The following DCUN1D4 variants were observed in gnomAD, a reference collection of about 807,000 sequenced individuals.
DCUN1D4 encodes DCN1-like protein 4.
Under a neutral mutation model 47.9 loss-of-function variants are expected in DCUN1D4, and 22 were observed. That is an observed-to-expected ratio of 0.46 (90% CI 0.33 to 0.66). The LOEUF is 0.66. DCUN1D4 is among the 30% of genes least tolerant of loss of function. The pLI is 0.02. For synonymous variants in DCUN1D4, 121 were observed against 112.2 expected (o/e 1.08, Z -0.50); for missense variants, 301 against 340.8 (o/e 0.88, Z 0.92).
At chr4:51,851,824 A>G (rs1004800127) in intron 1 of DCUN1D4, among the ~76,000 whole-genome samples, 14 of 152,198 alleles carry the variant, frequency 9.2e-5, no homozygotes, top group Admixed American at 5.2e-4. Context: ...TTCACAGATG[A>G]GGACGCTGAG....
At chr4:51,838,398 T>C (rs1464837046), upstream of DCUN1D4, among the ~76,000 whole-genome samples, 3 of 152,170 alleles carry the variant, frequency 2.0e-5, no homozygotes, top group South Asian at 2.1e-4. Context: ...ATTTATTTAT[T>C]TGAGGCAGGG....
At chr4:51,909,927 G>T (rs1414840717) in intron 8 of DCUN1D4, among the ~76,000 whole-genome samples, 1 of 152,124 alleles carries the variant, frequency 6.6e-6, no homozygotes, top group African/African-American at 2.4e-5. Context: ...CCCAATTCAG[G>T]GTCATGGCTA....
intron 6 of DCUN1D4, among the ~76,000 whole-genome samples, chr4:51,890,816 T>C (rs1560500537): frequency 6.6e-6 from 1 of 152,248 alleles, no homozygotes; most frequent in Non-Finnish European, 1.5e-5. Flanking sequence ...TTTACACCTT[T>C]AGGTATTTAT....
At chr4:51,868,526 C>T (rs757702552) in intron 3 of DCUN1D4, among the ~76,000 whole-genome samples, 24 of 152,160 alleles carry the variant, frequency 1.6e-4, no homozygotes, top group Admixed American at 2.0e-4. Flanking sequence ...CTTGTGATTC[C>T]GGTACCCAAC....
intron 8 of DCUN1D4, among the ~76,000 whole-genome samples, chr4:51,910,137 T>G (rs1733505811): frequency 6.6e-6 from 1 of 152,190 alleles, no homozygotes. Flanking sequence ...TTTTACAAAT[T>G]TCCACTGTAG....
intron 1 of DCUN1D4, among the ~76,000 whole-genome samples, chr4:51,856,694 G>T (rs1055426479): frequency 4.6e-5 from 7 of 152,200 alleles, no homozygotes; most frequent in Non-Finnish European, 8.8e-5. Flanking sequence ...AATAAAATGA[G>T]AATTGGACAA....
chr4:51,854,403 C>G (rs1475995258), intron 1 of DCUN1D4, among the ~76,000 whole-genome samples: 2 of 152,112 alleles, frequency 1.3e-5, no homozygotes, highest in African/African-American at 4.8e-5. Flanking sequence ...GTACTATGAT[C>G]TTTGAGTGCA....
At chr4:51,879,389 C>T (rs1169404548) in intron 5 of DCUN1D4, among the ~76,000 whole-genome samples, 2 of 152,184 alleles carry the variant, frequency 1.3e-5, no homozygotes, top group East Asian at 3.9e-4. Context: ...GGAGGATTGC[C>T]TGAGTTCAGG....
chr4:51,880,238 G>A (rs1455728240), intron 5 of DCUN1D4, among the ~76,000 whole-genome samples: 1 of 152,220 alleles, frequency 6.6e-6, no homozygotes, highest in Non-Finnish European at 1.5e-5. Flanking sequence ...CTAACAGGTT[G>A]TGCTGTAGGA....
At chr4:51,873,280 T>C (rs1727185707) in intron 3 of DCUN1D4, among the ~76,000 whole-genome samples, 1 of 152,208 alleles carries the variant, frequency 6.6e-6, no homozygotes, top group Non-Finnish European at 1.5e-5. Context: ...TAAGCCTTAG[T>C]TTTCCCTGTC....
chr4:51,845,228 T>G, intron 1 of DCUN1D4: 1 of 985,422 alleles, frequency 1.0e-6, no homozygotes, highest in Non-Finnish European at 1.2e-6. Flanking sequence ...TGCATAAATA[T>G]GAGAACACAG....
At position 51,913,600 on chromosome 4, in the gene DCUN1D4, A is replaced by C; in HGVS notation, c.*16A>C. 1 of 1,609,386 alleles carries C rather than the reference A, an allele frequency of 6.2e-7. No homozygotes were observed. The highest frequency in any genetic ancestry group is 2.2e-5 in the East Asian group (1 of 44,758). Reference sequence around the variant, plus strand: ...GATGTCCTAGGACTTTATGCATAGCAGCGAGAGAGTCACTGTTACCACAGT... The same window carrying C: ...GATGTCCTAGGACTTTATGCATAGCCGCGAGAGAGTCACTGTTACCACAGT... On this transcript the variant is annotated 3_prime_UTR_variant, in exon 11 of 11. Coordinates refer to ENST00000334635, the MANE Select transcript of DCUN1D4 (RefSeq NM_001040402.3).
intron 1 of DCUN1D4, among the ~76,000 whole-genome samples, chr4:51,858,590 G>A (rs1221578573): frequency 1.3e-5 from 2 of 152,198 alleles, no homozygotes; most frequent in Admixed American, 1.3e-4. Context: ...TCTGTTTACT[G>A]AATTATTATG....
chr4:51,887,133 G>T (rs1181875387), intron 6 of DCUN1D4: 3 of 451,772 alleles, frequency 6.6e-6, no homozygotes, highest in South Asian at 3.1e-5. Context: ...ATGGAGTCTC[G>T]CACTGTCGCC....
At chr4:51,901,601 T>C (rs1367965480) in intron 8 of DCUN1D4, among the ~76,000 whole-genome samples, 5 of 152,206 alleles carry the variant, frequency 3.3e-5, no homozygotes, top group Non-Finnish European at 7.3e-5. Context: ...GTCTGAGCCA[T>C]GTGCTTCTGC....
Position 51,843,215 on chromosome 4 carries a change from C to T in DCUN1D4, c.-28C>T, listed in dbSNP as rs1721869786. ...CGCGAGGCGAGCGCGGGAGCCTGGG[C>T]GGCGAGCCGGGTGTGAGCTGCCTGA... On this transcript the variant is annotated 5_prime_UTR_variant, in exon 1 of 11. Coordinates refer to ENST00000334635, the MANE Select transcript of DCUN1D4 (RefSeq NM_001040402.3). 2 of 1,538,804 alleles carry T rather than the reference C, an allele frequency of 1.3e-6. No individual in the cohort carries two copies. Among genetic ancestry groups the T allele is most frequent in the South Asian group, 1.2e-5 (1 of 82,742 alleles).
At chr4:51,877,729 TTAAA>T in intron 4 of DCUN1D4, 30 bp from the exon 5 acceptor site, 1 of 1,399,250 alleles carries the variant, frequency 7.1e-7, no homozygotes, top group Non-Finnish European at 1.0e-6. Context: ...CTCAGTATCT[TTAAA>T]TAACTTAAAA....
chr4:51,913,677 TC>T lies in DCUN1D4; in HGVS notation c.*94del. The T allele has an allele frequency of 3.5e-6, 4 of 1,127,336 alleles. No homozygotes were observed. The highest frequency in any genetic ancestry group is 5.3e-6 in the Non-Finnish European group (4 of 753,900). The allele number at this position is 1,127,336 out of a possible 1,614,324, so 69.8% of individuals were successfully genotyped here. A position where few individuals can be genotyped will look rare whatever the true frequency, so the allele number is the denominator to read the frequency against. ...TGTTTGTATCAAAGCGCATGCTGCTTCTCTTGCACTGTTTCCCTTTCGCAGG... is the reference window on the plus strand; with the variant it reads ...TGTTTGTATCAAAGCGCATGCTGCTTTCTTGCACTGTTTCCCTTTCGCAGG... On this transcript the variant is annotated 3_prime_UTR_variant, in exon 11 of 11. Coordinates refer to ENST00000334635, the MANE Select transcript of DCUN1D4 (RefSeq NM_001040402.3).
chr4:51,889,607 T>C (rs759400658), intron 6 of DCUN1D4, among the ~76,000 whole-genome samples: 8 of 152,196 alleles, frequency 5.3e-5, no homozygotes, highest in Non-Finnish European at 1.0e-4. Context: ...TTTTTTAACT[T>C]AACAAGTGTT....
Sources: allele counts gnomAD v4.1 joint callset (sites outside exome capture counted in the v4.1 genomes callset), GRCh38; gene constraint gnomAD v4.1.1; transcripts MANE v1.5; gene names NCBI Gene and HGNC (gene_info 2026-07-23, HGNC 2026-07-21).